LNX1: variants seen among roughly 807,000 people sequenced by gnomAD.
LNX1 encodes the protein E3 ubiquitin-protein ligase LNX.
Under a neutral mutation model 68.4 loss-of-function variants are expected in LNX1, and 54 were observed. That is an observed-to-expected ratio of 0.79 (90% CI 0.63 to 0.99). The LOEUF (loss-of-function observed/expected upper bound fraction) is 0.99. Among genes scored for constraint, LNX1 ranks in the 50% least tolerant of loss-of-function variants. LNX1 has a pLI of 0.00. For synonymous variants in LNX1, 336 were observed against 350.0 expected (o/e 0.96, Z 0.45); for missense variants, 906 against 926.4 (o/e 0.98, Z 0.29).
chr4:53,585,429 A>G (rs2109807850), intron 1 of LNX1, among the ~76,000 whole-genome samples: 1 of 152,244 alleles, frequency 6.6e-6, no homozygotes, highest in Middle Eastern at 3.4e-3. Flanking sequence ...TCAGCTGGGG[A>G]TACAGTGGGT....
chr4:53,492,939 G>A (rs1161408195), intron 6 of LNX1, among the ~76,000 whole-genome samples: 1 of 152,056 alleles, frequency 6.6e-6, no homozygotes, highest in Non-Finnish European at 1.5e-5. Flanking sequence ...ATGAATTTGG[G>A]AATAGATGGC....
chr4:53,600,523 A>G (rs1335374538), intron 2 of LNX1, among the ~76,000 whole-genome samples: 2 of 152,172 alleles, frequency 1.3e-5, no homozygotes, highest in Admixed American at 6.5e-5. Context: ...CTTAAATTAA[A>G]GAATACAAGA....
intron 2 of LNX1, among the ~76,000 whole-genome samples, chr4:53,544,750 T>A (rs114241867): frequency 1.6e-3 from 250 of 152,348 alleles, no homozygotes; most frequent in African/African-American, 5.7e-3. Context: ...TGATCAATAA[T>A]GCCCATGCGC....
intron 9 of LNX1, among the ~76,000 whole-genome samples, chr4:53,476,180 C>T (rs1014624572): frequency 6.6e-6 from 1 of 152,022 alleles, no homozygotes; most frequent in Non-Finnish European, 1.5e-5. Flanking sequence ...GCCTGTAATC[C>T]CAGCTACTTG....
intron 7 of LNX1, among the ~76,000 whole-genome samples, chr4:53,479,747 C>G (rs984029282): frequency 6.6e-6 from 1 of 152,224 alleles, no homozygotes; most frequent in Non-Finnish European, 1.5e-5. Flanking sequence ...TAATTAAAAA[C>G]ACAATGGGTA....
At chr4:53,473,705 T>C (rs1723384378) in intron 9 of LNX1, among the ~76,000 whole-genome samples, 1 of 152,146 alleles carries the variant, frequency 6.6e-6, no homozygotes, top group African/African-American at 2.4e-5. Context: ...TAATGAGTAC[T>C]AGGCTTAGTA....
chr4:53,557,239 T>C (rs1175154033), intron 2 of LNX1, among the ~76,000 whole-genome samples: 2 of 152,224 alleles, frequency 1.3e-5, no homozygotes, highest in Non-Finnish European at 2.9e-5. Flanking sequence ...TGATATGTCA[T>C]GATGGCTACA....
chr4:53,459,404 G>A lies in LNX1; in HGVS notation c.*1503C>T, dbSNP rs1460991429. ...AAGAAGGAAAAGAAGCGGGCAGTGA[G>A]CCTGCCCCTGAACAGGAGAGCACCG... On this transcript the variant is annotated 3_prime_UTR_variant, in exon 11 of 11. Coordinates refer to ENST00000263925, the MANE Select transcript of LNX1 (RefSeq NM_001126328.3). 6.2e-6 allele frequency: 10 copies of A among 1,612,390 alleles called. No homozygotes were observed. In the South Asian group the frequency reaches 9.9e-5, roughly 16 times the overall value.
intron 1 of LNX1, among the ~76,000 whole-genome samples, chr4:53,585,639 G>T (rs990173176): frequency 1.3e-5 from 2 of 152,226 alleles, no homozygotes; most frequent in South Asian, 4.2e-4. Flanking sequence ...AGACACAAAC[G>T]CAGAGGAGAA....
At chr4:53,617,564 T>C (rs1209156581), upstream of LNX1, 1 of 152,224 alleles carries the variant, frequency 6.6e-6, no homozygotes, top group Admixed American at 6.5e-5. Context: ...CTACACCACA[T>C]ACATGAATCT....
At chr4:53,471,490 T>A (rs1346013316) in intron 9 of LNX1, among the ~76,000 whole-genome samples, 1 of 151,902 alleles carries the variant, frequency 6.6e-6, no homozygotes. Flanking sequence ...AATTGACAAA[T>A]GGGATCTAAT....
rs527980498 is a variant in LNX1 at position 53,474,938 on chromosome 4, T to C, written c.1892+1815A>G. ...TGTGCCACCACGCTTGGCTAATTTT[T>C]TGTATTTTTAGTAGAGATGCGGTTT... On this transcript the variant is annotated intron_variant, in intron 9 of 10. Transcript: ENST00000263925. 2.0e-4 allele frequency among the ~76,000 whole-genome samples: 31 copies of C among 152,320 alleles called. 1 individual carries two copies. Among genetic ancestry groups the C allele is most frequent in the Non-Finnish European group, 2.9e-4 (20 of 68,030 alleles).
chr4:53,548,547 C>A (rs1729270338), intron 2 of LNX1, among the ~76,000 whole-genome samples: 1 of 152,134 alleles, frequency 6.6e-6, no homozygotes, highest in South Asian at 2.1e-4. Context: ...TTAAAGTTCT[C>A]CCATTAGAAT....
intron 1 of LNX1, among the ~76,000 whole-genome samples, chr4:53,588,707 A>G (rs1560683695): frequency 6.6e-6 from 1 of 152,094 alleles, no homozygotes; most frequent in Non-Finnish European, 1.5e-5. Context: ...AGCTAAGGAA[A>G]CTGACATGCA....
chr4:53,493,403 C>G lies in LNX1; in HGVS notation c.1350+2620G>C, dbSNP rs868269444. Among the ~76,000 whole-genome samples, 24 of 152,364 alleles carry G rather than the reference C, an allele frequency of 1.6e-4. 1 individual carries two copies. The highest frequency in any genetic ancestry group is 5.3e-4 in the African/African-American group (22 of 41,590). ...TGGGACACCACCAAGTGGCACAGCT[C>G]AAAAGCTAAGGTACCACGTGTGTTT... On this transcript the variant is annotated intron_variant, in intron 6 of 10. Coordinates refer to ENST00000263925, the MANE Select transcript of LNX1 (RefSeq NM_001126328.3).
intron 1 of LNX1, among the ~76,000 whole-genome samples, chr4:53,581,417 C>T (rs985769779): frequency 3.3e-5 from 5 of 151,828 alleles, no homozygotes; most frequent in Non-Finnish European, 5.9e-5. Flanking sequence ...ATCATTTTTT[C>T]CAAAAACCTT....
chr4:53,639,380 A>G (rs182449635), intron 1 of LNX1, among the ~76,000 whole-genome samples: 3 of 152,290 alleles, frequency 2.0e-5, no homozygotes, highest in Admixed American at 2.0e-4. Flanking sequence ...ATTGGGTGCT[A>G]TGCTCAGTAC....
intron 2 of LNX1, among the ~76,000 whole-genome samples, chr4:53,525,501 A>T (rs1296077702): frequency 6.6e-6 from 1 of 152,180 alleles, no homozygotes; most frequent in Non-Finnish European, 1.5e-5. Context: ...CAGCTCAAAG[A>T]TGCTTGGTTT....
At chr4:53,599,264 A>C (rs1732889327) in intron 2 of LNX1, among the ~76,000 whole-genome samples, 1 of 152,192 alleles carries the variant, frequency 6.6e-6, no homozygotes, top group Non-Finnish European at 1.5e-5. Context: ...CTGATAAAAC[A>C]GGTTGCAGTA....
Sources: allele counts gnomAD v4.1 joint callset (sites outside exome capture counted in the v4.1 genomes callset), GRCh38; gene constraint gnomAD v4.1.1; transcripts MANE v1.5; gene names NCBI Gene and HGNC (gene_info 2026-07-23, HGNC 2026-07-21).